The following NALCN variants were observed in gnomAD, a reference collection of about 807,000 sequenced individuals.
The protein encoded by NALCN is sodium leak channel, non-selective, also known as sodium leak channel NALCN.
Under a neutral mutation model 225.3 loss-of-function variants are expected in NALCN, and 111 were observed. The observed-to-expected ratio is 0.49, with a 90% confidence interval of 0.42 to 0.58. The LOEUF is 0.58. Ranked by LOEUF, NALCN falls within the 20% of genes least tolerant of loss-of-function variation. NALCN has a pLI of 0.00. For synonymous variants in NALCN, 764 were observed against 769.0 expected (o/e 0.99, Z 0.11); for missense variants, 1,378 against 2,202.4 (o/e 0.63, Z 7.49).
intron 18 of NALCN, among the ~76,000 whole-genome samples, chr13:101,121,682 T>G (rs898042938): frequency 6.6e-6 from 1 of 152,218 alleles, no homozygotes; most frequent in Non-Finnish European, 1.5e-5. Flanking sequence ...ACCCATCTAT[T>G]AAAAGACAGA....
intron 13 of NALCN, among the ~76,000 whole-genome samples, chr13:101,217,219 A>G (rs2040769733): frequency 6.6e-6 from 1 of 152,138 alleles, no homozygotes; most frequent in South Asian, 2.1e-4. Flanking sequence ...AAAAACATGC[A>G]ATTTGTTTTT....
intron 18 of NALCN, among the ~76,000 whole-genome samples, chr13:101,117,362 A>G (rs1191853498): frequency 6.6e-6 from 1 of 152,236 alleles, no homozygotes; most frequent in Non-Finnish European, 1.5e-5. Flanking sequence ...CTGGGCTTCA[A>G]ATTTAGTAAC....
chr13:101,197,306 C>T (rs1214572995), intron 13 of NALCN, among the ~76,000 whole-genome samples: 1 of 152,048 alleles, frequency 6.6e-6, no homozygotes. Context: ...CCTCCGCGAC[C>T]CTTTCCTTTT....
At chr13:101,086,834 A>C (rs1024274698) in intron 30 of NALCN, among the ~76,000 whole-genome samples, 2 of 152,254 alleles carry the variant, frequency 1.3e-5, no homozygotes, top group African/African-American at 4.8e-5. Flanking sequence ...TCTTTAGTAC[A>C]TCATTTATTC....
At position 101,416,479 on chromosome 13, in the gene NALCN, C is replaced by T. The variant is rs1248919497; in HGVS notation, c.-206G>A. On this transcript the variant is annotated 5_prime_UTR_variant, in exon 1 of 44. Transcript: ENST00000251127. ...GGCAGCGCGCTCGGCCCGGCTGGGG[C>T]CGCGGCTCACGCTCGCCGTGTCACT... 6.6e-6 allele frequency: 1 copy of T among 151,800 alleles called. No individual in the cohort carries two copies. Among genetic ancestry groups the T allele is most frequent in the African/African-American group, 2.4e-5 (1 of 41,400 alleles). The allele number at this position is 151,800 out of a possible 1,614,324, so 9.4% of individuals were successfully genotyped here.
chr13:101,124,724 GA>G, intron 17 of NALCN, 43 bp from the exon 18 acceptor site: 1 of 1,471,368 alleles, frequency 6.8e-7, no homozygotes, highest in Non-Finnish European at 9.5e-7. Flanking sequence ...GGAATGTTAA[GA>G]AATAATATAC....
chr13:101,355,206 C>T (rs1337647586), intron 6 of NALCN, among the ~76,000 whole-genome samples: 1 of 152,056 alleles, frequency 6.6e-6, no homozygotes, highest in Admixed American at 6.6e-5. Flanking sequence ...GCCTGGAGAA[C>T]CATGAGCCAA....
chr13:101,286,600 T>A (rs2043345767), intron 9 of NALCN, among the ~76,000 whole-genome samples: 2 of 152,182 alleles, frequency 1.3e-5, no homozygotes, highest in Admixed American at 6.5e-5. Context: ...GGATTCCTCA[T>A]CGCATACGTC....
At chr13:101,136,108 A>C (rs770955624) in intron 17 of NALCN, among the ~76,000 whole-genome samples, 13 of 152,200 alleles carry the variant, frequency 8.5e-5, no homozygotes, top group African/African-American at 1.4e-4. Context: ...ATGTTAGTTG[A>C]ATATAGAAAG....
chr13:101,082,216 AC>A (rs2033693756), intron 33 of NALCN, among the ~76,000 whole-genome samples: 1 of 152,176 alleles, frequency 6.6e-6, no homozygotes, highest in Non-Finnish European at 1.5e-5. Context: ...ACATGTAGTA[AC>A]TAAAAATAAG....
chr13:101,080,765 ATTAT>A (rs976614278), intron 34 of NALCN, among the ~76,000 whole-genome samples: 1 of 119,506 alleles, frequency 8.4e-6, no homozygotes. Flanking sequence ...ATAATTAATT[ATTAT>A]TTATTTAATA....
chr13:101,371,989 T>C (rs1268653240), intron 6 of NALCN, among the ~76,000 whole-genome samples: 1 of 152,194 alleles, frequency 6.6e-6, no homozygotes, highest in Non-Finnish European at 1.5e-5. Flanking sequence ...TAAAAGATGA[T>C]TAAATAAAAT....
intron 7 of NALCN, among the ~76,000 whole-genome samples, chr13:101,319,140 T>C (rs759175796): frequency 2.7e-4 from 41 of 152,184 alleles, no homozygotes; most frequent in Non-Finnish European, 4.7e-4. Context: ...GGACTGTGGA[T>C]GAGCCCAGAC....
At chr13:101,161,830 C>G (rs2038200797) in intron 15 of NALCN, among the ~76,000 whole-genome samples, 1 of 152,218 alleles carries the variant, frequency 6.6e-6, no homozygotes, top group African/African-American at 2.4e-5. Context: ...CAAGACTGTA[C>G]CACTGCACTC....
At chr13:101,333,544 T>C (rs2045260264) in intron 7 of NALCN, among the ~76,000 whole-genome samples, 1 of 152,140 alleles carries the variant, frequency 6.6e-6, no homozygotes, top group Non-Finnish European at 1.5e-5. Context: ...CTAGAAGCAC[T>C]TTGTCAAAGG....
At chr13:101,289,323 T>C (rs997942855) in intron 9 of NALCN, among the ~76,000 whole-genome samples, 3 of 152,162 alleles carry the variant, frequency 2.0e-5, no homozygotes, top group African/African-American at 4.8e-5. Flanking sequence ...TTGGCATTAA[T>C]GTCTCTGTAA....
At chr13:101,159,183 T>C (rs1239523684) in intron 15 of NALCN, among the ~76,000 whole-genome samples, 1 of 152,220 alleles carries the variant, frequency 6.6e-6, no homozygotes, top group Non-Finnish European at 1.5e-5. Flanking sequence ...TTCCTGACTT[T>C]TATTCTTTCA....
At chr13:101,255,316 C>T (rs2042195015) in intron 11 of NALCN, among the ~76,000 whole-genome samples, 2 of 152,176 alleles carry the variant, frequency 1.3e-5, no homozygotes, top group South Asian at 4.1e-4. Context: ...TACATAAACA[C>T]ATTAGGAAAG....
chr13:101,400,382 G>GT (rs2047432951), intron 1 of NALCN, among the ~76,000 whole-genome samples: 2 of 151,866 alleles, frequency 1.3e-5, no homozygotes, highest in Admixed American at 6.6e-5. Context: ...AGCGCTTCAG[G>GT]CAAAAAAAAG....
Sources: gnomAD v4.1 joint callset for allele counts (sites outside exome capture counted in the v4.1 genomes callset) on GRCh38, gnomAD v4.1.1 for gene constraint, MANE v1.5 for transcripts, NCBI Gene and HGNC (gene_info 2026-07-23, HGNC 2026-07-21) for gene names.